Variants in CPPED1 observed in about 807,000 individuals in gnomAD.
The protein encoded by CPPED1 is calcineurin like phosphoesterase domain containing 1, also known as serine/threonine-protein phosphatase CPPED1.
Under a neutral mutation model 28.0 loss-of-function variants are expected in CPPED1, and 28 were observed. The observed-to-expected ratio is 1.00, with a 90% CI of 0.74 to 1.37. The LOEUF (loss-of-function observed/expected upper bound fraction) is 1.37. Among genes scored for constraint, CPPED1 ranks in the 40% most tolerant of loss-of-function variants. The pLI is 0.00. For synonymous variants in CPPED1, 198 were observed against 180.2 expected, an observed-to-expected ratio of 1.10 and a Z score of -0.79; for missense variants, 504 against 416.5, an observed-to-expected ratio of 1.21 and a Z score of -1.83.
intron 2 of CPPED1, among the ~76,000 whole-genome samples, chr16:12,719,529 G>T (rs2080127145): frequency 6.6e-6 from 1 of 152,164 alleles, no homozygotes; most frequent in African/African-American, 2.4e-5. Context: ...CAAGAAACTG[G>T]ATGTGGTCTC....
chr16:12,767,163 A>G (rs921350544), intron 2 of CPPED1, among the ~76,000 whole-genome samples: 1 of 152,152 alleles, frequency 6.6e-6, no homozygotes, highest in Non-Finnish European at 1.5e-5. Flanking sequence ...CGGGGGTTTC[A>G]TTCAGTCTAA....
At chr16:12,723,889 C>A (rs1462404281) in intron 2 of CPPED1, among the ~76,000 whole-genome samples, 1 of 152,094 alleles carries the variant, frequency 6.6e-6, no homozygotes, top group African/African-American at 2.4e-5. Flanking sequence ...CGGGGAAAAG[C>A]TGCCATCCAC....
chr16:12,777,046 T>C (rs1304152013), intron 2 of CPPED1, among the ~76,000 whole-genome samples: 1 of 152,242 alleles, frequency 6.6e-6, no homozygotes, highest in South Asian at 2.1e-4. Flanking sequence ...ATCAGCAGCA[T>C]GAAAACAGAC....
intron 2 of CPPED1, among the ~76,000 whole-genome samples, chr16:12,706,589 G>C (rs919196736): frequency 8.3e-5 from 11 of 131,838 alleles, no homozygotes; most frequent in Admixed American, 2.4e-4. Flanking sequence ...CAAAGATTTT[G>C]ACTCCATGGT....
chr16:12,782,786 G>A (rs985470707), intron 1 of CPPED1, among the ~76,000 whole-genome samples: 1 of 151,808 alleles, frequency 6.6e-6, no homozygotes, highest in Admixed American at 6.6e-5. Flanking sequence ...CACAAGAATC[G>A]CTTGAACCCG....
intron 2 of CPPED1, among the ~76,000 whole-genome samples, chr16:12,777,259 C>T (rs188324337): frequency 6.6e-6 from 1 of 152,310 alleles, no homozygotes; most frequent in Admixed American, 6.5e-5. Flanking sequence ...TTTTAATAAA[C>T]AGGGATGAAT....
At chr16:12,790,100 A>C (rs1000642011) in intron 1 of CPPED1, among the ~76,000 whole-genome samples, 7 of 152,230 alleles carry the variant, frequency 4.6e-5, no homozygotes, top group Non-Finnish European at 8.8e-5. Context: ...AATTGCACTC[A>C]GAGAAGAATC....
chr16:12,689,459 G>A (rs963549936), intron 3 of CPPED1, among the ~76,000 whole-genome samples: 1 of 137,666 alleles, frequency 7.3e-6, no homozygotes, highest in Non-Finnish European at 1.6e-5. Flanking sequence ...CAAACTCCTG[G>A]CCTCAACTGA....
intron 2 of CPPED1, among the ~76,000 whole-genome samples, chr16:12,775,937 T>A (rs1464341825): frequency 6.6e-6 from 1 of 152,226 alleles, no homozygotes; most frequent in East Asian, 1.9e-4. Flanking sequence ...GTCCCTGCCA[T>A]CTGCAGTAGG....
chr16:12,720,148 G>A (rs1415399254), intron 2 of CPPED1, among the ~76,000 whole-genome samples: 1 of 152,142 alleles, frequency 6.6e-6, no homozygotes, highest in African/African-American at 2.4e-5. Context: ...CTGTCTTCCC[G>A]AGAGAGATAC....
intron 2 of CPPED1, among the ~76,000 whole-genome samples, chr16:12,714,070 A>G (rs1027105337): frequency 1.3e-5 from 2 of 152,156 alleles, no homozygotes; most frequent in Non-Finnish European, 2.9e-5. Flanking sequence ...ACTTTGCATG[A>G]TGTTTTCAAG....
chr16:12,667,610 G>T (rs1028258586), intron 3 of CPPED1, among the ~76,000 whole-genome samples: 2 of 152,062 alleles, frequency 1.3e-5, no homozygotes, highest in African/African-American at 2.4e-5. Context: ...TAAAATAAAT[G>T]AGATCAATTC....
In CPPED1 at chr16:12,662,222, C is replaced by T. The variant is rs2079799014; in HGVS notation, c.*2664G>A. 1 of 152,020 alleles carries T rather than the reference C, an allele frequency of 6.6e-6. No individual in the cohort carries two copies. The highest frequency in any genetic ancestry group is 1.5e-5 in the Non-Finnish European group (1 of 68,012). The allele number at this position is 152,020 out of a possible 1,614,324, so 9.4% of individuals were successfully genotyped here. A position where few individuals can be genotyped will look rare whatever the true frequency, so the allele number is the denominator to read the frequency against. The stretch of plus-strand genomic sequence containing the variant: ...TGATATCATTCTCTTTTTTTAAAGG[C>T]AAAGGAATTACAAGTGAACACACTA... On this transcript the variant is annotated 3_prime_UTR_variant, in exon 4 of 4. Transcript: ENST00000381774.
At chr16:12,684,395 A>G (rs1439959912) in intron 3 of CPPED1, among the ~76,000 whole-genome samples, 2 of 152,118 alleles carry the variant, frequency 1.3e-5, no homozygotes, top group African/African-American at 4.8e-5. Flanking sequence ...GTCAAGTAAA[A>G]TTTGAGGGTT....
At position 12,661,644 on chromosome 16, in the gene CPPED1, A is replaced by G. The variant is rs1478779588; in HGVS notation, c.*3242T>C. 6.6e-6 allele frequency: 1 copy of G among 152,200 alleles called. No homozygotes were observed. Among genetic ancestry groups the G allele is most frequent in the African/African-American group, 2.4e-5 (1 of 41,454 alleles). The allele number at this position is 152,200 out of a possible 1,614,324, so 9.4% of individuals were successfully genotyped here. On this transcript the variant is annotated 3_prime_UTR_variant, in exon 4 of 4. Transcript: ENST00000381774. ...ATTAGGTGACATTCCTTGCCTTGAG[A>G]CAGCTGGTGGTTTCCTACACCCTGT...
At chr16:12,791,631 G>C (rs1240445603) in intron 1 of CPPED1, among the ~76,000 whole-genome samples, 2 of 152,130 alleles carry the variant, frequency 1.3e-5, no homozygotes, top group Non-Finnish European at 2.9e-5. Flanking sequence ...GTTCCCACCT[G>C]GGAGAAGGAG....
chr16:12,762,951 G>A (rs183758791), intron 2 of CPPED1, among the ~76,000 whole-genome samples: 73 of 152,074 alleles, frequency 4.8e-4, no homozygotes, highest in South Asian at 3.1e-3. Flanking sequence ...GTCTTGCGCC[G>A]GGCACGGTGG....
Position 12,803,730 on chromosome 16 carries a change from C to G in CPPED1, c.47G>C (p.Arg16Thr). 1 of 1,592,514 alleles carries G rather than the reference C, an allele frequency of 6.3e-7. No homozygotes were observed. The highest frequency in any genetic ancestry group is 8.5e-7 in the Non-Finnish European group (1 of 1,171,116). Residue 16 changes from arginine (R) to threonine (T), a missense_variant, in exon 1 of 4, where the codon AGG becomes ACG. By Grantham distance (71) the Arg-to-Thr change is moderately conservative (BLOSUM62 -1). Transcript: ENST00000381774. Reference protein sequence around the residue: ...AGGVFHRARGRTLAAFPAEKE... With the variant: ...AGGVFHRARGTTLAAFPAEKE... ...ACCTGCGGGAAACGCGGCCAGGGTC[C>G]TGCCCCTGGCTCTGTGGAAAACACC... is the stretch of plus-strand genomic sequence containing the variant.
At chr16:12,754,880 T>C (rs906881447) in intron 2 of CPPED1, among the ~76,000 whole-genome samples, 1 of 151,946 alleles carries the variant, frequency 6.6e-6, no homozygotes, top group Non-Finnish European at 1.5e-5. Flanking sequence ...GGCATGGTGG[T>C]GTGTACTTGT....
Sources: gnomAD v4.1 joint callset for allele counts (sites outside exome capture counted in the v4.1 genomes callset) on GRCh38, gnomAD v4.1.1 for gene constraint, MANE v1.5 for transcripts, NCBI Gene and HGNC (gene_info 2026-07-23, HGNC 2026-07-21) for gene names.